CACNB2: variants seen among roughly 807,000 people sequenced by gnomAD.
The protein encoded by CACNB2 is voltage-dependent L-type calcium channel subunit beta-2.
In CACNB2, 42 loss-of-function variants were observed where a neutral mutation model predicts 73.3. The ratio of observed to expected loss-of-function variants is 0.57; its 90% confidence interval spans 0.45 to 0.74. CACNB2 has a LOEUF of 0.74. Among genes scored for constraint, CACNB2 ranks in the 30% least tolerant of loss-of-function variants. CACNB2 has a pLI of 0.00. For synonymous variants in CACNB2, 348 were observed against 310.3 expected (o/e 1.12, Z -1.28); for missense variants, 940 against 853.0 (o/e 1.10, Z -1.27).
intron 2 of CACNB2, among the ~76,000 whole-genome samples, chr10:18,161,027 C>A (rs556144104): frequency 1.3e-5 from 2 of 152,186 alleles, no homozygotes; most frequent in African/African-American, 2.4e-5. Flanking sequence ...TCTCCCCCTA[C>A]CCGCCTCAGA....
chr10:18,432,873 T>C (rs1407333413), intron 3 of CACNB2, among the ~76,000 whole-genome samples: 1 of 148,636 alleles, frequency 6.7e-6, no homozygotes, highest in African/African-American at 2.5e-5. Context: ...CAAAAAACTG[T>C]AGTAAAAAGA....
intron 2 of CACNB2, among the ~76,000 whole-genome samples, chr10:18,370,944 C>A (rs1200601690): frequency 6.6e-6 from 1 of 152,050 alleles, no homozygotes; most frequent in East Asian, 1.9e-4. Flanking sequence ...CATTCTCTTA[C>A]CTAAATATTT....
intron 3 of CACNB2, among the ~76,000 whole-genome samples, chr10:18,428,550 G>A (rs1218796999): frequency 1.3e-5 from 2 of 152,096 alleles, no homozygotes; most frequent in African/African-American, 2.4e-5. Flanking sequence ...GCCAGACGTG[G>A]TGGCGGACAC....
At chr10:18,529,174 C>A (rs1325228537) in intron 10 of CACNB2, among the ~76,000 whole-genome samples, 1 of 152,166 alleles carries the variant, frequency 6.6e-6, no homozygotes, top group Admixed American at 6.5e-5. Flanking sequence ...ACTGAATTAA[C>A]AAAGTCAAGT....
intron 2 of CACNB2, among the ~76,000 whole-genome samples, chr10:18,234,673 G>C (rs2036361539): frequency 6.6e-6 from 1 of 152,194 alleles, no homozygotes; most frequent in Non-Finnish European, 1.5e-5. Flanking sequence ...AGACAAATAC[G>C]TAGAAATAGA....
chr10:18,289,281 C>CT lies in CACNB2; in HGVS notation c.214-112641dup, dbSNP rs1564407541. ...TACGAAGTTGTCTTCATTTTTTTTT[C>CT]TTGTTTTTTTGTTTTGTTTTTTTTT... On this transcript the variant is annotated intron_variant, in intron 2 of 13. Transcript: ENST00000324631. Among the ~76,000 whole-genome samples, 25 of 96,930 alleles carry CT rather than the reference C, an allele frequency of 2.6e-4. 1 individual carries two copies. The highest frequency in any genetic ancestry group is 7.6e-4 in the South Asian group (2 of 2,628). 63.6% of individuals were successfully genotyped at this position (96,930 alleles called of 152,430 possible).
chr10:18,236,942 C>T (rs1180684178), intron 2 of CACNB2, among the ~76,000 whole-genome samples: 1 of 152,204 alleles, frequency 6.6e-6, no homozygotes, highest in East Asian at 1.9e-4. Context: ...CAGAATTAAA[C>T]TGCAGAGAAT....
At position 18,502,002 on chromosome 10, in the gene CACNB2, G is replaced by T. The variant is rs576321941; in HGVS notation, c.593+1054G>T. ...TGCATTCAGTCATATAAAAGTAGAG[G>T]CATGCATAAAAAAGAACAAAGATTG... On this transcript the variant is annotated intron_variant, in intron 5 of 13. Coordinates refer to ENST00000324631, the MANE Select transcript of CACNB2 (RefSeq NM_201596.3). Among the ~76,000 whole-genome samples, 3 of 152,230 alleles carry T rather than the reference G, an allele frequency of 2.0e-5. No homozygotes were observed. The South Asian group carries it at 6.2e-4, about 32-fold the overall frequency.
chr10:18,270,541 A>T (rs146338909), intron 2 of CACNB2, among the ~76,000 whole-genome samples: 1 of 152,236 alleles, frequency 6.6e-6, no homozygotes, highest in Non-Finnish European at 1.5e-5. Flanking sequence ...GTGCAATCTG[A>T]GCAATGTTGC....
intron 2 of CACNB2, among the ~76,000 whole-genome samples, chr10:18,324,062 G>T (rs1272261926): frequency 1.3e-5 from 2 of 152,168 alleles, no homozygotes; most frequent in Admixed American, 1.3e-4. Flanking sequence ...GAGTGTAATG[G>T]CTAGGAAGGC....
At chr10:18,372,959 G>A (rs1166281661) in intron 2 of CACNB2, among the ~76,000 whole-genome samples, 1 of 152,104 alleles carries the variant, frequency 6.6e-6, no homozygotes, top group Non-Finnish European at 1.5e-5. Context: ...ACAAGTGTGA[G>A]TCACCACACC....
chr10:18,277,050 G>A (rs571342262), intron 2 of CACNB2, among the ~76,000 whole-genome samples: 7 of 152,306 alleles, frequency 4.6e-5, no homozygotes, highest in East Asian at 3.9e-4. Flanking sequence ...CTGGGAGGTC[G>A]AGGCTGCAGT....
Position 18,356,942 on chromosome 10 carries a change from C to CTTTTTT in CACNB2, c.214-44967_214-44962dup, listed in dbSNP as rs71402158. 1.7e-3 allele frequency among the ~76,000 whole-genome samples: 167 copies of CTTTTTT among 101,070 alleles called. 2 individuals are homozygous for CTTTTTT. Among genetic ancestry groups the CTTTTTT allele is most frequent in the Non-Finnish European group, 1.9e-3 (91 of 49,152 alleles). The allele number at this position is 101,070 out of a possible 152,430, so 66.3% of individuals were successfully genotyped here. A position where few individuals can be genotyped will look rare whatever the true frequency, so the allele number is the denominator to read the frequency against. On this transcript the variant is annotated intron_variant, in intron 2 of 13. Coordinates refer to ENST00000324631, the MANE Select transcript of CACNB2 (RefSeq NM_201596.3). ...ACTGTGCCTGGCCCAGACTCAATTT[C>CTTTTTT]TTTTTTTTTTTTTTTTTTTTGAGAC... is the stretch of plus-strand genomic sequence containing the variant.
intron 2 of CACNB2, among the ~76,000 whole-genome samples, chr10:18,240,220 C>T (rs770079444): frequency 8.5e-5 from 13 of 152,120 alleles, no homozygotes; most frequent in Non-Finnish European, 1.8e-4. Context: ...TTGTTCCATC[C>T]CACTTGGACT....
At chr10:18,298,215 C>A (rs11013417) in intron 2 of CACNB2, among the ~76,000 whole-genome samples, 5,689 of 151,956 alleles carry the variant, frequency 0.037, 261 homozygotes, top group African/African-American at 0.11. Context: ...CTAAAAATAC[C>A]AAAATTAGCT....
chr10:18,375,446 C>T (rs1427784687), intron 2 of CACNB2, among the ~76,000 whole-genome samples: 1 of 152,106 alleles, frequency 6.6e-6, no homozygotes, highest in Admixed American at 6.6e-5. Flanking sequence ...AGCTTTCAGA[C>T]CTATGCATTG....
At chr10:18,284,717 T>C (rs375046927) in intron 2 of CACNB2, among the ~76,000 whole-genome samples, 13 of 152,316 alleles carry the variant, frequency 8.5e-5, no homozygotes, top group East Asian at 7.7e-4. Flanking sequence ...CTGATTCTTA[T>C]GATGAAAATT....
chr10:18,508,048 G>A (rs1012280082), intron 6 of CACNB2, among the ~76,000 whole-genome samples: 3 of 152,036 alleles, frequency 2.0e-5, no homozygotes, highest in African/African-American at 7.2e-5. Context: ...CTGTTGGGAT[G>A]ACAGGCATGA....
At chr10:18,536,243 C>CTTTTCTTTTTTTTTTTTTTTTTTTT (rs1327787339) in intron 12 of CACNB2, 47 bp downstream of exon 12, 9 of 283,216 alleles carry the variant, frequency 3.2e-5, no homozygotes, top group Admixed American at 1.4e-4. Context: ...GAGATCAGAC[C>CTTTTCTTTTTTTTTTTTTTTTTTTT]TTTTTTTTTT....
Sources: allele counts gnomAD v4.1 joint callset (sites outside exome capture counted in the v4.1 genomes callset), GRCh38; gene constraint gnomAD v4.1.1; transcripts MANE v1.5; gene names NCBI Gene and HGNC (gene_info 2026-07-23, HGNC 2026-07-21).